VIPR1: variants seen among roughly 807,000 people sequenced by gnomAD.
VIPR1 encodes the protein vasoactive intestinal polypeptide receptor 1.
VIPR1 carries 59 observed loss-of-function variants against 58.8 expected under a neutral mutation model. The observed-to-expected ratio is 1.00, with a 90% CI of 0.81 to 1.25. VIPR1 has a LOEUF of 1.25. VIPR1 is among the 50% of genes most tolerant of loss of function. VIPR1 has a pLI of 0.00. For missense variants in VIPR1, 626 were observed against 602.7 expected (o/e 1.04, Z -0.40); for synonymous variants, 251 against 242.1 (o/e 1.04, Z -0.34).
Position 42,536,950 on chromosome 3 carries a change from C to T in VIPR1, c.*669C>T, listed in dbSNP as rs1701891744. Reference sequence around the variant, plus strand: ...CAGTCTGGTGGGAGGACGGTGCAACCCAAGGACTGAGGGACTCTGAAGCCT... The same window carrying T: ...CAGTCTGGTGGGAGGACGGTGCAACTCAAGGACTGAGGGACTCTGAAGCCT... On this transcript the variant is annotated 3_prime_UTR_variant, in exon 13 of 13. Coordinates refer to ENST00000325123, the MANE Select transcript of VIPR1 (RefSeq NM_004624.4). 1 of 152,156 alleles carries T rather than the reference C, an allele frequency of 6.6e-6. No individual in the cohort carries two copies. The highest frequency in any genetic ancestry group is 1.5e-5 in the Non-Finnish European group (1 of 68,042). The allele number at this position is 152,156 out of a possible 1,614,324, so 9.4% of individuals were successfully genotyped here.
intron 10 of VIPR1, chr3:42,534,590 G>A (rs1559498934): frequency 5.9e-6 from 1 of 169,958 alleles, no homozygotes; most frequent in Non-Finnish European, 1.3e-5. Flanking sequence ...GCAATGATGA[G>A]GTAAGCCTCT....
At chr3:42,519,819 A>C (rs1700821868) in intron 3 of VIPR1, among the ~76,000 whole-genome samples, 1 of 152,208 alleles carries the variant, frequency 6.6e-6, no homozygotes, top group Admixed American at 6.5e-5. Context: ...AGAGATTCAC[A>C]ATATAGATTC....
intron 1 of VIPR1, among the ~76,000 whole-genome samples, chr3:42,493,513 C>G (rs1699704143): frequency 6.6e-6 from 1 of 152,200 alleles, no homozygotes; most frequent in Non-Finnish European, 1.5e-5. Flanking sequence ...TGCTGGATAC[C>G]TGTGGCTGCA....
intron 1 of VIPR1, chr3:42,509,689 T>A (rs1577209240): frequency 6.6e-6 from 1 of 152,348 alleles, no homozygotes; most frequent in African/African-American, 2.4e-5. Flanking sequence ...GGACCCAGGC[T>A]GAAGAAGACT....
intron 6 of VIPR1, chr3:42,530,373 T>C (rs975905432): frequency 2.6e-5 from 5 of 190,936 alleles, no homozygotes; most frequent in Non-Finnish European, 4.4e-5. Flanking sequence ...GGTGGATGGA[T>C]TGATAGATGG....
At chr3:42,520,125 C>G (rs955451207) in intron 3 of VIPR1, among the ~76,000 whole-genome samples, 17 of 152,158 alleles carry the variant, frequency 1.1e-4, no homozygotes, top group African/African-American at 4.1e-4. Flanking sequence ...AAAGAACCAC[C>G]AGGCAAAGAT....
At chr3:42,519,517 T>C in intron 3 of VIPR1, 187 bp downstream of exon 3, 1 of 483,282 alleles carries the variant, frequency 2.1e-6, no homozygotes, top group South Asian at 3.5e-5. Context: ...GCTCTTCACA[T>C]AAAGATAAGC....
At chr3:42,497,435 C>T (rs1011763946) in intron 1 of VIPR1, among the ~76,000 whole-genome samples, 2 of 152,154 alleles carry the variant, frequency 1.3e-5, no homozygotes, top group Non-Finnish European at 2.9e-5. Flanking sequence ...CATGCTCTTA[C>T]ACGCGGACAT....
chr3:42,495,482 C>T (rs763726161), intron 1 of VIPR1, among the ~76,000 whole-genome samples: 1 of 151,976 alleles, frequency 6.6e-6, no homozygotes. Context: ...CCTGTGTATC[C>T]CTCCTGTGGT....
intron 1 of VIPR1, among the ~76,000 whole-genome samples, chr3:42,493,165 C>T (rs1254257762): frequency 2.0e-5 from 3 of 152,106 alleles, no homozygotes; most frequent in Non-Finnish European, 4.4e-5. Flanking sequence ...AAAGGAAAGG[C>T]TAGGAGGGAG....
In VIPR1 at chr3:42,531,452, C is replaced by G. The variant is rs1380474620; in HGVS notation, c.791-19C>G. ...TTCCTGTGCCCTCTCTGCTCTTTCA[C>G]TCTCCCTGGGCCTGACAGGGGTACC... is the stretch of plus-strand genomic sequence containing the variant. On this transcript the variant is annotated intron_variant, in intron 7 of 12. Coordinates refer to ENST00000325123, the MANE Select transcript of VIPR1 (RefSeq NM_004624.4). 7.7e-6 allele frequency: 12 copies of G among 1,565,846 alleles called. No individual in the cohort carries two copies. The highest frequency in any genetic ancestry group is 9.5e-6 in the Non-Finnish European group (11 of 1,154,030).
At chr3:42,526,593 C>T (rs1038877060) in intron 4 of VIPR1, among the ~76,000 whole-genome samples, 2 of 152,192 alleles carry the variant, frequency 1.3e-5, no homozygotes, top group African/African-American at 4.8e-5. Context: ...CTGCCCCACC[C>T]TCAGGCGCCC....
intron 10 of VIPR1, 54 bp from the exon 11 acceptor site, chr3:42,534,921 A>G: frequency 1.2e-6 from 2 of 1,600,616 alleles, no homozygotes; most frequent in Non-Finnish European, 1.7e-6. Context: ...ACACCCTATC[A>G]TATCCACATG....
chr3:42,515,573 T>C (rs1577220519), intron 2 of VIPR1, among the ~76,000 whole-genome samples: 1 of 152,354 alleles, frequency 6.6e-6, no homozygotes, highest in East Asian at 1.9e-4. Context: ...TGGCACAGCG[T>C]TCCCGTCGGG....
chr3:42,527,588 C>T, intron 5 of VIPR1, 92 bp downstream of exon 5: 1 of 1,222,760 alleles, frequency 8.2e-7, no homozygotes, highest in Non-Finnish European at 1.2e-6. Context: ...GTGCCCCGAC[C>T]CCTCCACTGT....
Position 42,532,264 on chromosome 3 carries a change from G to C in VIPR1, c.941G>C (p.Cys314Ser), listed in dbSNP as rs758007474. The C allele has an allele frequency of 8.7e-6, 14 of 1,613,984 alleles. No homozygotes were observed. The highest frequency in any genetic ancestry group is 5.0e-5 in the Admixed American group (3 of 59,990). ...SILVNFILFI[C>S]IIRILLQKLR... ...TAGGTAAACTTCATCCTGTTTATTT[G>C]CATCATCCGAATCCTGCTTCAGAAA... The change falls in exon 10 of 13, where the codon TGC becomes TCC. Residue 314 changes from cysteine (C) to serine (S), a missense_variant. Cys to Ser is a moderately radical substitution (Grantham distance 112, BLOSUM62 -1). Coordinates refer to ENST00000325123, the MANE Select transcript of VIPR1 (RefSeq NM_004624.4).
At chr3:42,526,018 C>T (rs1284642065) in intron 4 of VIPR1, 25 bp downstream of exon 4, 1 of 1,594,940 alleles carries the variant, frequency 6.3e-7, no homozygotes, top group South Asian at 1.1e-5. Context: ...ACCCCCACCT[C>T]ACCTGCAGAG....
At chr3:42,535,296 G>A (rs763963769) in intron 11 of VIPR1, 47 bp from the exon 12 acceptor site, 3 of 1,611,340 alleles carry the variant, frequency 1.9e-6, no homozygotes, top group East Asian at 4.5e-5. Flanking sequence ...CAGGGCTGGG[G>A]GCTTCTGGTC....
chr3:42,530,237 T>C (rs16810), intron 6 of VIPR1: 73,927 of 154,672 alleles, frequency 0.48, 17,861 homozygotes, highest in South Asian at 0.58. Context: ...GGACAGATGA[T>C]AGGCAGAGGG....
Sources: allele counts gnomAD v4.1 joint callset (sites outside exome capture counted in the v4.1 genomes callset), GRCh38; gene constraint gnomAD v4.1.1; transcripts MANE v1.5; gene names NCBI Gene and HGNC (gene_info 2026-07-23, HGNC 2026-07-21).